The following JAM3 variants were observed in gnomAD, a reference collection of about 807,000 sequenced individuals.
JAM3 encodes junctional adhesion molecule C.
A neutral mutation model predicts 39.4 loss-of-function variants in JAM3; 31 were observed. The ratio of observed to expected loss-of-function variants is 0.79; its 90% CI spans 0.59 to 1.06. The LOEUF is 1.06. Ranked by LOEUF, JAM3 falls within the 50% of genes least tolerant of loss-of-function variation. JAM3 has a pLI of 0.00. For synonymous variants in JAM3, 182 were observed against 148.7 expected (o/e 1.22, Z -1.63); for missense variants, 455 against 391.4 (o/e 1.16, Z -1.37).
At chr11:134,123,321 CAG>C (rs1490644140) in intron 1 of JAM3, among the ~76,000 whole-genome samples, 5 of 151,988 alleles carry the variant, frequency 3.3e-5, no homozygotes, top group South Asian at 2.1e-4. Context: ...CAACTTGCAT[CAG>C]GGGAAAAAGG....
intron 1 of JAM3, among the ~76,000 whole-genome samples, chr11:134,082,113 G>T (rs1056596798): frequency 6.6e-6 from 1 of 150,876 alleles, no homozygotes; most frequent in African/African-American, 2.4e-5. Flanking sequence ...GTTGGATTTC[G>T]GACTTGCATG....
intron 1 of JAM3, among the ~76,000 whole-genome samples, chr11:134,126,797 C>T (rs766460746): frequency 6.6e-6 from 1 of 152,208 alleles, no homozygotes; most frequent in Non-Finnish European, 1.5e-5. Flanking sequence ...TCTGTCTAAA[C>T]TCTGAATCCT....
intron 1 of JAM3, among the ~76,000 whole-genome samples, chr11:134,081,398 C>T (rs1041105894): frequency 5.3e-5 from 8 of 152,270 alleles, no homozygotes; most frequent in Non-Finnish European, 1.2e-4. Context: ...TTTCATGGGC[C>T]GGGCCCAGGG....
chr11:134,124,068 G>C, intron 1 of JAM3: 1 of 1,479,204 alleles, frequency 6.8e-7, no homozygotes, highest in Non-Finnish European at 9.4e-7. Context: ...ACAGAATTTG[G>C]TTTATAACAG....
At chr11:134,128,442 T>G (rs528854631) in intron 1 of JAM3, among the ~76,000 whole-genome samples, 1 of 152,266 alleles carries the variant, frequency 6.6e-6, no homozygotes, top group Admixed American at 6.5e-5. Flanking sequence ...TCAGATGATA[T>G]GGTTTGGCGG....
intron 1 of JAM3, among the ~76,000 whole-genome samples, chr11:134,137,342 T>G (rs1337613991): frequency 6.6e-6 from 1 of 152,220 alleles, no homozygotes; most frequent in Non-Finnish European, 1.5e-5. Context: ...TGTTACCAAC[T>G]CTAGTATTTC....
chr11:134,136,849 C>T (rs990317542), intron 1 of JAM3, among the ~76,000 whole-genome samples: 1 of 152,208 alleles, frequency 6.6e-6, no homozygotes, highest in Non-Finnish European at 1.5e-5. Context: ...CGCAGTGGCT[C>T]ACGCCTGTAA....
chr11:134,086,504 A>G (rs1194842964), intron 1 of JAM3, among the ~76,000 whole-genome samples: 1 of 152,154 alleles, frequency 6.6e-6, no homozygotes, highest in Non-Finnish European at 1.5e-5. Context: ...TGGTTCAGTG[A>G]TATTTGTAGA....
intron 4 of JAM3, 129 bp from the exon 5 acceptor site, chr11:134,144,662 TC>T: frequency 2.2e-6 from 2 of 905,054 alleles, no homozygotes; most frequent in South Asian, 2.7e-5. Context: ...GCAGTTGTGA[TC>T]CTGGGAACAG....
intron 1 of JAM3, among the ~76,000 whole-genome samples, chr11:134,125,265 G>A (rs1942624384): frequency 1.3e-5 from 2 of 152,258 alleles, no homozygotes; most frequent in South Asian, 4.1e-4. Context: ...CTGGAAGGAA[G>A]AGATGGCTGT....
At chr11:134,108,120 C>A (rs1942235233) in intron 1 of JAM3, among the ~76,000 whole-genome samples, 1 of 152,066 alleles carries the variant, frequency 6.6e-6, no homozygotes, top group Non-Finnish European at 1.5e-5. Context: ...AGATAGGTGA[C>A]TATAAACACA....
At chr11:134,114,276 A>G (rs928100195) in intron 1 of JAM3, among the ~76,000 whole-genome samples, 22 of 152,184 alleles carry the variant, frequency 1.4e-4, no homozygotes, top group African/African-American at 2.7e-4. Flanking sequence ...GCCCATGCCT[A>G]TGTCCTGAAT....
chr11:134,091,983 T>C (rs1941867460), intron 1 of JAM3, among the ~76,000 whole-genome samples: 1 of 152,132 alleles, frequency 6.6e-6, no homozygotes. Flanking sequence ...CTTCTAGTCA[T>C]TTCTGTACAT....
chr11:134,130,736 C>G (rs1942754260), intron 1 of JAM3, among the ~76,000 whole-genome samples: 1 of 152,226 alleles, frequency 6.6e-6, no homozygotes, highest in Non-Finnish European at 1.5e-5. Context: ...GAGGCAACAG[C>G]TATTCCGCAG....
intron 1 of JAM3, 111 bp downstream of exon 1, chr11:134,069,270 AGGGCTCCC>A: frequency 3.5e-6 from 5 of 1,431,546 alleles, no homozygotes; most frequent in Non-Finnish European, 3.8e-6. Context: ...CCTGGCTCCG[AGGGCTCCC>A]GGGGTCCCGG....
chr11:134,076,892 T>C (rs566852424), intron 1 of JAM3, among the ~76,000 whole-genome samples: 106 of 147,444 alleles, frequency 7.2e-4, no homozygotes, highest in African/African-American at 2.6e-3. Context: ...TGGAGTGCAG[T>C]GGTGCGATCT....
At chr11:134,105,213 A>G (rs901766107) in intron 1 of JAM3, among the ~76,000 whole-genome samples, 3 of 152,250 alleles carry the variant, frequency 2.0e-5, no homozygotes, top group Non-Finnish European at 2.9e-5. Flanking sequence ...GCAAATCAAT[A>G]AACATCATCC....
chr11:134,083,249 C>T (rs986222692), intron 1 of JAM3, among the ~76,000 whole-genome samples: 2 of 152,208 alleles, frequency 1.3e-5, no homozygotes, highest in African/African-American at 4.8e-5. Flanking sequence ...TGGAATTCCT[C>T]TGTCATCTAC....
At chr11:134,104,258 C>T (rs1942135999) in intron 1 of JAM3, among the ~76,000 whole-genome samples, 1 of 152,172 alleles carries the variant, frequency 6.6e-6, no homozygotes, top group Non-Finnish European at 1.5e-5. Context: ...TGAATGACTA[C>T]TGGGTACATA....
Sources: gnomAD v4.1 joint callset for allele counts (sites outside exome capture counted in the v4.1 genomes callset) on GRCh38, gnomAD v4.1.1 for gene constraint, MANE v1.5 for transcripts, NCBI Gene and HGNC (gene_info 2026-07-23, HGNC 2026-07-21) for gene names.